ERC1: variants seen among roughly 807,000 people sequenced by gnomAD.
The protein encoded by ERC1 is ELKS/RAB6-interacting/CAST family member 1.
A neutral mutation model predicts 132.0 loss-of-function variants in ERC1; 56 were observed. That is an observed-to-expected ratio of 0.42 (90% CI 0.34 to 0.53). The LOEUF (loss-of-function observed/expected upper bound fraction) is 0.53, where lower values mean the gene tolerates loss of function less well. Among genes scored for constraint, ERC1 ranks in the 20% least tolerant of loss-of-function variants. The pLI is 0.03. For synonymous variants in ERC1, 478 were observed against 476.1 expected (o/e 1.00, Z -0.05); for missense variants, 1,202 against 1,349.9 (o/e 0.89, Z 1.72).
In ERC1 at chr12:1,247,546, C is replaced by G. The variant is rs141860678; in HGVS notation, c.2487+10642C>G. ...CTTTTAATCACCCAGTTCACTTTGC[C>G]ATCTCTTTGAAATAAGTATGCTTTG... On this transcript the variant is annotated intron_variant, in intron 13 of 18. Coordinates refer to ENST00000360905, the MANE Select transcript of ERC1 (RefSeq NM_178040.4). Among the ~76,000 whole-genome samples, 251 of 152,256 alleles carry G rather than the reference C, an allele frequency of 1.6e-3. 1 individual carries two copies. Among genetic ancestry groups the G allele is most frequent in the Middle Eastern group, 6.8e-3 (2 of 294 alleles).
chr12:1,140,332 A>G (rs1465717228), intron 7 of ERC1, among the ~76,000 whole-genome samples: 6 of 152,158 alleles, frequency 3.9e-5, no homozygotes, highest in South Asian at 4.1e-4. Flanking sequence ...GTTTAGATAC[A>G]CTACACATTG....
At position 1,469,585 on chromosome 12, in the gene ERC1, G is replaced by A. The variant is rs1265449056; in HGVS notation, c.3214-20508G>A. 4.6e-5 allele frequency among the ~76,000 whole-genome samples: 7 copies of A among 152,324 alleles called. 1 individual carries two copies. In the South Asian group the frequency reaches 8.3e-4, roughly 18 times the overall value. On this transcript the variant is annotated intron_variant, in intron 18 of 18. Coordinates refer to ENST00000360905, the MANE Select transcript of ERC1 (RefSeq NM_178040.4). ...GAAGCCATGTGGGTCCTGGAGCTCC[G>A]TGGCTTCACCCACACTTTCTGGGGG...
intron 2 of ERC1, among the ~76,000 whole-genome samples, chr12:1,037,782 C>T (rs1272564477): frequency 6.6e-6 from 1 of 152,018 alleles, no homozygotes; most frequent in African/African-American, 2.4e-5. Context: ...CAGTGGCTCA[C>T]GTTTGTAAGC....
chr12:1,256,662 A>G (rs183740242), intron 13 of ERC1, among the ~76,000 whole-genome samples: 8 of 151,038 alleles, frequency 5.3e-5, no homozygotes, highest in East Asian at 2.0e-4. Flanking sequence ...TTAGAGTTCA[A>G]ATCACTTGCA....
At chr12:1,209,267 A>G (rs940057731) in intron 12 of ERC1, among the ~76,000 whole-genome samples, 1 of 152,058 alleles carries the variant, frequency 6.6e-6, no homozygotes, top group African/African-American at 2.4e-5. Context: ...CTGTTTTTAA[A>G]GCAGTCTCAT....
rs529732463 is a variant in ERC1, at chr12:1,180,692, C to T, written c.1875+15C>T. 1 of 1,613,702 alleles carries T rather than the reference C, an allele frequency of 6.2e-7. No homozygotes were observed. Among genetic ancestry groups the T allele is most frequent in the East Asian group, 2.2e-5 (1 of 44,886 alleles). ...TTGCAGAGAAAGTGAGTGGCTGGCC[C>T]CAACTCTCCACACACGTTTTCTGCT... On this transcript the variant is annotated intron_variant, in intron 9 of 18. Transcript: ENST00000360905.
intron 17 of ERC1, among the ~76,000 whole-genome samples, chr12:1,419,408 C>T (rs1399985909): frequency 6.6e-6 from 1 of 150,554 alleles, no homozygotes; most frequent in African/African-American, 2.5e-5. Flanking sequence ...TTTCTTGCTT[C>T]AAATATCAAT....
At chr12:1,148,341 A>C (rs925977733) in intron 8 of ERC1, among the ~76,000 whole-genome samples, 3 of 152,084 alleles carry the variant, frequency 2.0e-5, no homozygotes, top group South Asian at 2.1e-4. Flanking sequence ...GTGAAGGGGA[A>C]GCAAGGCACG....
At position 1,416,383 on chromosome 12, in the gene ERC1, A is replaced by G. The variant is rs138516169; in HGVS notation, c.3024+8136A>G. On this transcript the variant is annotated intron_variant, in intron 17 of 18. Transcript: ENST00000360905. ...TTTCAGATAGGAACTAACTTCAAGGAGGTTCCAACCTAAGAATGAGAATAT... is the reference window on the plus strand; with the variant it reads ...TTTCAGATAGGAACTAACTTCAAGGGGGTTCCAACCTAAGAATGAGAATAT... Among the ~76,000 whole-genome samples the G allele has an allele frequency of 7.0e-3, 1,064 of 152,274 alleles. 11 individuals carry two copies. Among genetic ancestry groups the G allele is most frequent in the African/African-American group, 0.025 (1,035 of 41,554 alleles).
At chr12:1,345,234 G>A (rs960269679) in intron 15 of ERC1, among the ~76,000 whole-genome samples, 1 of 136,452 alleles carries the variant, frequency 7.3e-6, no homozygotes, top group African/African-American at 2.9e-5. Flanking sequence ...AGGCTGGAGT[G>A]CAGTGGCGTG....
intron 18 of ERC1, among the ~76,000 whole-genome samples, chr12:1,487,831 A>AGAAC (rs1481436526): frequency 6.6e-6 from 1 of 150,858 alleles, no homozygotes; most frequent in African/African-American, 2.4e-5. Flanking sequence ...AGAGAAAGAA[A>AGAAC]AGAAAAGAAA....
intron 2 of ERC1, among the ~76,000 whole-genome samples, chr12:1,079,247 TATAC>T (rs1941846944): frequency 6.6e-6 from 1 of 151,282 alleles, no homozygotes. Flanking sequence ...CAAAAGTCGA[TATAC>T]AGAGATACAG....
At chr12:1,282,622 G>T (rs2078758239) in intron 14 of ERC1, among the ~76,000 whole-genome samples, 1 of 152,216 alleles carries the variant, frequency 6.6e-6, no homozygotes, top group African/African-American at 2.4e-5. Flanking sequence ...ATTAGCAATA[G>T]TTGTGAGATC....
intron 16 of ERC1, among the ~76,000 whole-genome samples, chr12:1,391,673 G>A (rs1363438063): frequency 1.3e-5 from 2 of 152,188 alleles, no homozygotes; most frequent in African/African-American, 4.8e-5. Context: ...GTGAGCATGG[G>A]GCCCGCCGCT....
intron 15 of ERC1, among the ~76,000 whole-genome samples, chr12:1,354,833 G>A (rs1781387568): frequency 6.6e-6 from 1 of 152,148 alleles, no homozygotes; most frequent in East Asian, 1.9e-4. Flanking sequence ...GTAGAGACGG[G>A]GTGTCACCAA....
intron 13 of ERC1, among the ~76,000 whole-genome samples, chr12:1,246,359 C>T (rs927276690): frequency 2.0e-5 from 3 of 151,744 alleles, no homozygotes; most frequent in South Asian, 2.1e-4. Context: ...GTATTTTAAT[C>T]GTGAATGAAA....
rs142549895 is a variant in ERC1 at position 1,281,607 on chromosome 12, T to C, written c.2620-8245T>C. On this transcript the variant is annotated intron_variant, in intron 14 of 18. Transcript: ENST00000360905. ...CTTCCAGGAGCTTATGTGTACCCAG[T>C]AGATCATTAATTTTTTGTGTTAATT... is the stretch of plus-strand genomic sequence containing the variant. 3.8e-3 allele frequency among the ~76,000 whole-genome samples: 573 copies of C among 152,308 alleles called. 1 individual carries two copies. The highest frequency in any genetic ancestry group is 0.013 in the African/African-American group (530 of 41,560).
intron 15 of ERC1, among the ~76,000 whole-genome samples, chr12:1,347,637 T>A (rs2084604390): frequency 6.6e-6 from 1 of 152,232 alleles, no homozygotes. Context: ...CTTTTCATGC[T>A]AGCCACATAA....
intron 13 of ERC1, among the ~76,000 whole-genome samples, chr12:1,237,208 T>C (rs2075478219): frequency 6.6e-6 from 1 of 152,216 alleles, no homozygotes; most frequent in South Asian, 2.1e-4. Context: ...TTCAGGGTTG[T>C]CAGTATACCT....
Sources: allele counts gnomAD v4.1 joint callset (sites outside exome capture counted in the v4.1 genomes callset), GRCh38; gene constraint gnomAD v4.1.1; transcripts MANE v1.5; gene names NCBI Gene and HGNC (gene_info 2026-07-23, HGNC 2026-07-21).